The following DPPA4 variants were observed in gnomAD, a reference collection of about 807,000 sequenced individuals.
DPPA4 encodes the protein developmental pluripotency-associated protein 4.
A neutral mutation model predicts 33.7 loss-of-function variants in DPPA4; 22 were observed. The ratio of observed to expected loss-of-function variants is 0.65; its 90% confidence interval spans 0.47 to 0.93. The LOEUF (loss-of-function observed/expected upper bound fraction) is 0.93, where lower values mean the gene tolerates loss of function less well. Ranked by LOEUF, DPPA4 falls within the 40% of genes least tolerant of loss-of-function variation. DPPA4 has a pLI of 0.00. For missense variants in DPPA4, 340 were observed against 358.6 expected, an observed-to-expected ratio of 0.95 and a Z score of 0.42; for synonymous variants, 156 against 132.3, an observed-to-expected ratio of 1.18 and a Z score of -1.23.
intron 5 of DPPA4, chr3:109,330,300 CAAAAAAAAA>C (rs71129042): frequency 7.5e-5 from 26 of 348,916 alleles, no homozygotes; most frequent in Non-Finnish European, 1.0e-4. Context: ...GAAACTGTCT[CAAAAAAAAA>C]AAAAAAAAAA....
intron 5 of DPPA4, chr3:109,329,350 A>AC: frequency 2.8e-6 from 1 of 353,764 alleles, no homozygotes; most frequent in Non-Finnish European, 5.2e-6. Context: ...CCTGGCTAAC[A>AC]CAGTGAAACC....
At chr3:109,335,588 C>T (rs1185419687) in intron 1 of DPPA4, among the ~76,000 whole-genome samples, 4 of 151,900 alleles carry the variant, frequency 2.6e-5, no homozygotes, top group Admixed American at 1.3e-4. Context: ...CCACCACACC[C>T]GGCTGAATTT....
Position 109,331,723 on chromosome 3 carries a change from T to C in DPPA4, c.390+11A>G. The C allele has an allele frequency of 6.2e-7, 1 of 1,613,464 alleles. No homozygotes were observed. The highest frequency in any genetic ancestry group is 2.2e-5 in the East Asian group (1 of 44,874). ...GATAAGCATTGAAACGTCCATCCTT[T>C]AAAAAGTTACCTTTTGATTTGGGTA... On this transcript the variant is annotated intron_variant, in intron 4 of 6. Transcript: ENST00000335658.
upstream of DPPA4, chr3:109,337,670 T>G: frequency 1.5e-6 from 1 of 667,482 alleles, no homozygotes; most frequent in South Asian, 1.8e-5. Flanking sequence ...AAAATTGCAT[T>G]CTTTCTTATT....
At chr3:109,332,749 G>A (rs1708109282) in intron 2 of DPPA4, among the ~76,000 whole-genome samples, 1 of 152,190 alleles carries the variant, frequency 6.6e-6, no homozygotes, top group Non-Finnish European at 1.5e-5. Flanking sequence ...TAGCTCTGCT[G>A]TGTTTCTGTT....
chr3:109,334,114 G>T, intron 1 of DPPA4, 121 bp from the exon 2 acceptor site: 2 of 1,046,400 alleles, frequency 1.9e-6, no homozygotes, highest in South Asian at 1.7e-5. Context: ...CTGGCAGTGT[G>T]GATTCTCCTC....
chr3:109,330,322 A>C, intron 5 of DPPA4: 2 of 337,440 alleles, frequency 5.9e-6, no homozygotes, highest in East Asian at 4.2e-5. Context: ...AAAAAAAAAA[A>C]AAAAAAAAAG....
Position 109,328,044 on chromosome 3 carries a change from T to G in DPPA4, c.879-20A>C. 7.0e-7 allele frequency: 1 copy of G among 1,433,358 alleles called. No homozygotes were observed. Among genetic ancestry groups the G allele is most frequent in the Non-Finnish European group, 9.8e-7 (1 of 1,021,212 alleles). The allele number at this position is 1,433,358 out of a possible 1,614,324, so 88.8% of individuals were successfully genotyped here. ...TTGTTCCTATAAAGCAAATAAAGTA[T>G]TTGTTTTTAAAAAGAATGAAGAAAT... On this transcript the variant is annotated intron_variant, in intron 6 of 6. Coordinates refer to ENST00000335658, the MANE Select transcript of DPPA4 (RefSeq NM_018189.4).
intron 5 of DPPA4, chr3:109,330,128 C>A: frequency 4.2e-6 from 1 of 236,626 alleles, no homozygotes; most frequent in Non-Finnish European, 8.5e-6. Context: ...ATGGAGAAAC[C>A]CCATCTCTAC....
At chr3:109,332,187 C>T (rs1030325856) in intron 2 of DPPA4, 156 bp from the exon 3 acceptor site, 11 of 548,268 alleles carry the variant, frequency 2.0e-5, no homozygotes, top group Admixed American at 3.2e-5. Context: ...CTGCAACCTC[C>T]GCCTCGTGGG....
intron 6 of DPPA4, among the ~76,000 whole-genome samples, chr3:109,328,280 A>T (rs1707979945): frequency 6.6e-6 from 1 of 152,116 alleles, no homozygotes; most frequent in Non-Finnish European, 1.5e-5. Flanking sequence ...CAAAAACCTA[A>T]GTATGTCATT....
intron 2 of DPPA4, among the ~76,000 whole-genome samples, chr3:109,332,722 T>C (rs1448555331): frequency 1.3e-5 from 2 of 152,208 alleles, no homozygotes; most frequent in Admixed American, 6.5e-5. Flanking sequence ...TCTGGTTTCA[T>C]AGCAGGTATG....
At chr3:109,337,591 T>G, upstream of DPPA4, 1 of 1,326,320 alleles carries the variant, frequency 7.5e-7, no homozygotes, top group Non-Finnish European at 1.1e-6. Context: ...CCGAAGACCC[T>G]TTTTCTCTCC....
chr3:109,329,568 G>C (rs1708012036), intron 5 of DPPA4: 1 of 158,672 alleles, frequency 6.3e-6, no homozygotes, highest in African/African-American at 2.4e-5. Context: ...ATACAAGACA[G>C]TTCCTGTTAA....
Position 109,327,867 on chromosome 3 carries a change from G to T in DPPA4, c.*121C>A. 1.4e-6 allele frequency: 1 copy of T among 728,832 alleles called. No individual in the cohort carries two copies. The highest frequency in any genetic ancestry group is 2.4e-6 in the Non-Finnish European group (1 of 417,640). The allele number at this position is 728,832 out of a possible 1,614,324, so 45.1% of individuals were successfully genotyped here. On this transcript the variant is annotated 3_prime_UTR_variant, in exon 7 of 7. Transcript: ENST00000335658. ...TAGGCTAACATCTGCCACCCCACCA[G>T]TCTGCATGGCCCATAAACAGGTGCA...
intron 3 of DPPA4, 23 bp from the exon 4 acceptor site, chr3:109,331,807 T>C (rs1458865752): frequency 6.2e-7 from 1 of 1,613,484 alleles, no homozygotes; most frequent in African/African-American, 1.3e-5. Flanking sequence ...AAAACTGAGT[T>C]AGTAAGGCAA....
At chr3:109,335,022 T>C (rs1708161791) in intron 1 of DPPA4, among the ~76,000 whole-genome samples, 1 of 152,208 alleles carries the variant, frequency 6.6e-6, no homozygotes. Context: ...CAATAAATAT[T>C]GGTTCATTGA....
At chr3:109,337,342 AAAGTC>A (rs1430962485) in intron 1 of DPPA4, 117 bp downstream of exon 1, 37 of 821,488 alleles carry the variant, frequency 4.5e-5, no homozygotes, top group Non-Finnish European at 6.0e-6. Context: ...AAAAAAAAAA[AAAGTC>A]AAGAGGAGAA....
rs1559712130 is a variant in DPPA4, at chr3:109,337,523, C to T, written c.-6G>A. On this transcript the variant is annotated 5_prime_UTR_variant, in exon 1 of 7. Coordinates refer to ENST00000335658, the MANE Select transcript of DPPA4 (RefSeq NM_018189.4). The stretch of plus-strand genomic sequence containing the variant: ...GAAGCGGAGCCTCGCAACATGCTTC[C>T]AAAATGGCCCCTGCCCCAAGATTGC... 2 of 1,614,000 alleles carry T rather than the reference C, an allele frequency of 1.2e-6. No homozygotes were observed. The highest frequency in any genetic ancestry group is 8.5e-7 in the Non-Finnish European group (1 of 1,179,962).
Sources: allele counts gnomAD v4.1 joint callset (sites outside exome capture counted in the v4.1 genomes callset), GRCh38; gene constraint gnomAD v4.1.1; transcripts MANE v1.5; gene names NCBI Gene and HGNC (gene_info 2026-07-23, HGNC 2026-07-21).